Variants in NTM observed in about 807,000 individuals in gnomAD.
NTM encodes the protein IgLON family member 2.
NTM carries 13 observed loss-of-function variants against 42.1 expected under a neutral mutation model. The observed-to-expected ratio is 0.31, with a 90% confidence interval of 0.20 to 0.49. NTM has a LOEUF of 0.49. NTM is among the 20% of genes least tolerant of loss of function. The pLI is 0.99. For missense variants in NTM, 373 were observed against 452.8 expected, an observed-to-expected ratio of 0.82 and a Z score of 1.60; for synonymous variants, 187 against 179.2, an observed-to-expected ratio of 1.04 and a Z score of -0.35.
At chr11:132,246,741 C>G (rs2091228559) in intron 4 of NTM, among the ~76,000 whole-genome samples, 2 of 152,166 alleles carry the variant, frequency 1.3e-5, no homozygotes, top group South Asian at 2.1e-4. Flanking sequence ...AGTTATAGCT[C>G]GGGAAGGCAT....
intron 3 of NTM, among the ~76,000 whole-genome samples, chr11:132,155,716 G>T (rs1255040196): frequency 1.3e-5 from 2 of 152,222 alleles, no homozygotes; most frequent in African/African-American, 4.8e-5. Context: ...CATTCTGAGG[G>T]CTAGGCTGGC....
intron 1 of NTM, 171 bp from the exon 2 acceptor site, chr11:131,911,393 T>A: frequency 1.9e-6 from 3 of 1,587,514 alleles, no homozygotes; most frequent in Non-Finnish European, 2.6e-6. Flanking sequence ...GTCCCCGCGC[T>A]CGCTCCGCAC....
intron 1 of NTM, among the ~76,000 whole-genome samples, chr11:131,808,258 A>T (rs2092595358): frequency 6.6e-6 from 1 of 152,258 alleles, no homozygotes. Context: ...CTGGTTTACA[A>T]AGTTTGCACA....
At chr11:131,557,604 A>G (rs1026270673) in intron 1 of NTM, among the ~76,000 whole-genome samples, 4 of 152,190 alleles carry the variant, frequency 2.6e-5, no homozygotes, top group East Asian at 3.8e-4. Context: ...TTAAATTAAT[A>G]TGACTATGCT....
At chr11:131,795,783 G>C (rs376621461) in intron 1 of NTM, 1 of 985,248 alleles carries the variant, frequency 1.0e-6, no homozygotes, top group East Asian at 1.1e-4. Flanking sequence ...CAGTTGACTG[G>C]GGTTGGGGGG....
At chr11:131,373,828 A>C (rs1941560231) in intron 1 of NTM, among the ~76,000 whole-genome samples, 1 of 152,040 alleles carries the variant, frequency 6.6e-6, no homozygotes, top group African/African-American at 2.4e-5. Flanking sequence ...CTCTCCTCAC[A>C]TCCCGCATCC....
chr11:131,562,317 T>C (rs914871021), intron 1 of NTM, among the ~76,000 whole-genome samples: 1 of 152,070 alleles, frequency 6.6e-6, no homozygotes, highest in Non-Finnish European at 1.5e-5. Flanking sequence ...GCTACAGAGT[T>C]GTGAAGGAGA....
intron 1 of NTM, among the ~76,000 whole-genome samples, chr11:131,804,341 G>T (rs916389347): frequency 6.6e-6 from 1 of 152,114 alleles, no homozygotes; most frequent in African/African-American, 2.4e-5. Context: ...GGGGTGAGGG[G>T]GTTGGGGTAC....
intron 2 of NTM, among the ~76,000 whole-genome samples, chr11:131,929,594 A>C (rs1202596245): frequency 6.6e-6 from 1 of 151,352 alleles, no homozygotes; most frequent in Non-Finnish European, 1.5e-5. Context: ...CCTCCTCTGC[A>C]CTCCCACAAT....
chr11:131,670,152 A>G (rs2069858616), intron 1 of NTM, among the ~76,000 whole-genome samples: 2 of 152,226 alleles, frequency 1.3e-5, no homozygotes, highest in South Asian at 2.1e-4. Flanking sequence ...TTAAAATATC[A>G]CATCAGCTGC....
chr11:132,156,463 G>T (rs2073212618), intron 3 of NTM, among the ~76,000 whole-genome samples: 1 of 152,134 alleles, frequency 6.6e-6, no homozygotes, highest in Non-Finnish European at 1.5e-5. Context: ...CCTCTGCCAG[G>T]AGCTAGAGCC....
At chr11:132,094,836 T>C (rs901723409) in intron 2 of NTM, among the ~76,000 whole-genome samples, 8 of 149,740 alleles carry the variant, frequency 5.3e-5, no homozygotes, top group Admixed American at 2.0e-4. Flanking sequence ...TCAGTGTGTA[T>C]GTGTGTGTGT....
intron 2 of NTM, among the ~76,000 whole-genome samples, chr11:131,979,360 G>T (rs1167022339): frequency 6.8e-6 from 1 of 147,836 alleles, no homozygotes; most frequent in East Asian, 2.3e-4. Flanking sequence ...AAAGAAGTGT[G>T]TGATAGCATT....
At chr11:132,150,595 CAA>C (rs1390126701) in intron 3 of NTM, among the ~76,000 whole-genome samples, 4 of 152,080 alleles carry the variant, frequency 2.6e-5, no homozygotes, top group Non-Finnish European at 2.9e-5. Flanking sequence ...CTTTTAAAAA[CAA>C]GAGAGAATTG....
intron 2 of NTM, among the ~76,000 whole-genome samples, chr11:131,982,238 T>C (rs1176307439): frequency 6.6e-6 from 1 of 152,062 alleles, no homozygotes; most frequent in Non-Finnish European, 1.5e-5. Context: ...AGGCTCCTTT[T>C]TGTTTGTTTT....
intron 1 of NTM, among the ~76,000 whole-genome samples, chr11:131,731,512 A>C (rs748790580): frequency 5.9e-5 from 9 of 152,196 alleles, no homozygotes; most frequent in Non-Finnish European, 1.3e-4. Flanking sequence ...CATTTTATGC[A>C]GCTTCAAACA....
At chr11:132,315,912 A>C (rs951153103) in intron 7 of NTM, among the ~76,000 whole-genome samples, 1 of 152,242 alleles carries the variant, frequency 6.6e-6, no homozygotes, top group East Asian at 1.9e-4. Flanking sequence ...AGGGATGATC[A>C]TAAGAGCCCC....
At chr11:132,299,205 G>A (rs1160009520) in intron 4 of NTM, among the ~76,000 whole-genome samples, 1 of 152,134 alleles carries the variant, frequency 6.6e-6, no homozygotes, top group Non-Finnish European at 1.5e-5. Flanking sequence ...TGAGGCAGGA[G>A]AATATTGTGA....
chr11:132,233,712 A>G (rs1249354024), intron 4 of NTM, among the ~76,000 whole-genome samples: 1 of 152,140 alleles, frequency 6.6e-6, no homozygotes, highest in Non-Finnish European at 1.5e-5. Context: ...GCAAAGCCTG[A>G]GATATTTATT....
Sources: gnomAD v4.1 joint callset for allele counts (sites outside exome capture counted in the v4.1 genomes callset) on GRCh38, gnomAD v4.1.1 for gene constraint, MANE v1.5 for transcripts, NCBI Gene and HGNC (gene_info 2026-07-23, HGNC 2026-07-21) for gene names.